OR5D14: variants seen among roughly 807,000 people sequenced by gnomAD.
OR5D14 encodes the protein olfactory receptor 5D14.
For synonymous variants in OR5D14, 187 were observed against 138.2 expected, an observed-to-expected ratio of 1.35 and a Z score of -2.48; for missense variants, 466 against 375.5, an observed-to-expected ratio of 1.24 and a Z score of -1.99.
rs751935304 is a variant in OR5D14, at chr11:55,796,257, TG to T, written c.705del (p.Arg236AlafsTer12). 1.2e-6 allele frequency: 2 copies of T among 1,613,688 alleles called. No individual in the cohort carries two copies. The highest frequency in any genetic ancestry group is 2.2e-5 in the South Asian group (2 of 91,084). ...VTVLKIRSVS[G>X]RHKAFSTWAS... ...CTGTACTAAAAATCCGTTCTGTTAG[TG>T]GGCGCCACAAAGCCTTCTCCACCTG... On this transcript the variant is annotated frameshift_variant, in exon 1 of 1. Transcript: ENST00000335605. LOFTEE classifies it low-confidence loss of function (END_TRUNC).
rs770763153 is a variant in OR5D14 at position 55,796,122 on chromosome 11, G to A, written c.567G>A (p.Val189=). The A allele has an allele frequency of 1.2e-6, 2 of 1,613,760 alleles. No individual in the cohort carries two copies. The highest frequency in any genetic ancestry group is 1.7e-6 in the Non-Finnish European group (2 of 1,179,962). ...GTGAGTATACTGCTCTCATCTCTGT[G>A]TCTGGCTCTGATATACTCATCCCCC... is the stretch of plus-strand genomic sequence containing the variant. The part of the protein sequence containing the change: ...FFCEYTALIS[V]SGSDILIPHL... The change falls in exon 1 of 1, where the codon GTG becomes GTA. Residue 189 remains valine, a synonymous_variant. Transcript: ENST00000335605.
Position 55,795,757 on chromosome 11 carries a change from C to G in OR5D14, c.202C>G (p.Leu68Val). 1 of 1,613,130 alleles carries G rather than the reference C, an allele frequency of 6.2e-7. No homozygotes were observed. The highest frequency in any genetic ancestry group is 1.1e-5 in the South Asian group (1 of 91,022). ...HTPMYFFLSH[L>V]SFVDFCYSSI... ...TCCTATGTACTTTTTCCTTAGTCAC[C>G]TCTCTTTTGTTGATTTTTGTTACTC... The change falls in exon 1 of 1, where the codon CTC becomes GTC. Residue 68 changes from leucine (L) to valine (V), a missense_variant. By Grantham distance (32) the Leu-to-Val change is conservative. Transcript: ENST00000335605.
chr11:55,796,149 C>T lies in OR5D14; in HGVS notation c.594C>T (p.His198=), dbSNP rs766784156. ...SVSGSDILIP[H]LLLFSFATFN... is the part of the protein sequence containing the mutation. ...CTGGCTCTGATATACTCATCCCCCA[C>T]CTGCTGCTTTTCAGCTTCGCCACCT... is the stretch of plus-strand genomic sequence containing the variant. The change falls in exon 1 of 1, where the codon CAC becomes CAT. Residue 198 remains histidine (H), a synonymous_variant. Transcript: ENST00000335605. 9.3e-6 allele frequency: 15 copies of T among 1,613,662 alleles called. No individual in the cohort carries two copies. The South Asian group carries it at 1.1e-4, about 12-fold the overall frequency.
chr11:55,796,478 A>C lies in OR5D14; in HGVS notation c.923A>C (p.His308Pro). The C allele has an allele frequency of 6.2e-7, 1 of 1,603,096 alleles. No homozygotes were observed. Among genetic ancestry groups the C allele is most frequent in the Non-Finnish European group, 8.5e-7 (1 of 1,175,238 alleles). ...AAGGATGCTTTCTGGAAGTTAATAC[A>C]TACACAAGTTCCATTTCACTGAACC... ...DVKDAFWKLIHTQVPFH is the reference protein window; with the variant it reads ...DVKDAFWKLIPTQVPFH Residue 308 changes from histidine (H) to proline (P), a missense_variant, in exon 1 of 1, where the codon CAT (histidine) becomes CCT (proline). By Grantham distance (77) the His-to-Pro change is moderately conservative. Transcript: ENST00000335605.
chr11:55,796,450 G>A lies in OR5D14; in HGVS notation c.895G>A (p.Val299Met), dbSNP rs144838984. Residue 299 changes from valine to methionine, a missense_variant, in exon 1 of 1, where the codon GTG (valine) becomes ATG (methionine). Transcript: ENST00000335605. ...PLIYSLRNKD[V>M]KDAFWKLIHT... ...GATCTACAGCCTAAGGAATAAAGAC[G>A]TGAAGGATGCTTTCTGGAAGTTAAT... 253 of 1,612,308 alleles carry A rather than the reference G, an allele frequency of 1.6e-4. 2 individuals carry two copies. The African/African-American group carries it at 2.5e-3, about 16-fold the overall frequency.
At position 55,795,862 on chromosome 11, in the gene OR5D14, T is replaced by C. The variant is rs1853518432; in HGVS notation, c.307T>C (p.Tyr103His). The change falls in exon 1 of 1, where the codon TAC becomes CAC. Residue 103 changes from tyrosine to histidine, a missense_variant. Physicochemically the swap from Tyr to His is moderately conservative, Grantham distance 83. Coordinates refer to ENST00000335605, the MANE Select transcript of OR5D14 (RefSeq NM_001004735.1). ...CTTCTACTTTAGCTGCATGATGCAG[T>C]ACTTCCTGTCCTGCACTGCTGTGGT... Reference protein sequence around the residue: ...SIFYFSCMMQYFLSCTAVVTE... With the variant: ...SIFYFSCMMQHFLSCTAVVTE... The C allele has an allele frequency of 6.2e-7, 1 of 1,613,568 alleles. No individual in the cohort carries two copies. The highest frequency in any genetic ancestry group is 8.5e-7 in the Non-Finnish European group (1 of 1,179,748).
Position 55,795,836 on chromosome 11 carries a change from T to G in OR5D14, c.281T>G (p.Ile94Ser), listed in dbSNP as rs747218527. ...LENLVMADKSIFYFSCMMQYF... is the reference protein window; with the variant it reads ...LENLVMADKSSFYFSCMMQYF... ...AACTTGGTAATGGCAGATAAAAGCA[T>G]CTTCTACTTTAGCTGCATGATGCAG... Residue 94 changes from isoleucine (I) to serine (S), a missense_variant, in exon 1 of 1, where the codon ATC (isoleucine) becomes AGC (serine). Coordinates refer to ENST00000335605, the MANE Select transcript of OR5D14 (RefSeq NM_001004735.1). 3.1e-6 allele frequency: 5 copies of G among 1,613,816 alleles called. No individual in the cohort carries two copies. Among genetic ancestry groups the G allele is most frequent in the Non-Finnish European group, 4.2e-6 (5 of 1,179,972 alleles).
chr11:55,796,482 A>C lies in OR5D14; in HGVS notation c.927A>C (p.Thr309=). The C allele has an allele frequency of 6.3e-7, 1 of 1,599,318 alleles. No homozygotes were observed. The highest frequency in any genetic ancestry group is 1.3e-5 in the African/African-American group (1 of 74,464). ...ATGCTTTCTGGAAGTTAATACATAC[A>C]CAAGTTCCATTTCACTGAACCAGTC... ...VKDAFWKLIH[T]QVPFH is the part of the protein sequence containing the mutation. Residue 309 remains threonine (T), a synonymous_variant, in exon 1 of 1, where the codon ACA becomes ACC. Transcript: ENST00000335605.
chr11:55,795,921 T>G lies in OR5D14; in HGVS notation c.366T>G (p.Tyr122Ter). The stretch of plus-strand genomic sequence containing the variant: ...CTTTCTTGCTGGCAGTGATGGCCTA[T>G]GACCGCTTTGTGGCCATCTGCAATC... ...TESFLLAVMA[Y>*]DRFVAICNPL... Residue 122 changes from tyrosine (Y) to a stop codon, truncating the protein, a stop_gained, in exon 1 of 1, where the codon TAT (tyrosine) becomes TAG (stop). Coordinates refer to ENST00000335605, the MANE Select transcript of OR5D14 (RefSeq NM_001004735.1). LOFTEE classifies it low-confidence loss of function (END_TRUNC). 1 of 1,613,944 alleles carries G rather than the reference T, an allele frequency of 6.2e-7. No homozygotes were observed. The highest frequency in any genetic ancestry group is 8.5e-7 in the Non-Finnish European group (1 of 1,179,992).
In OR5D14 at chr11:55,796,364, G is replaced by T. The variant is rs183124098; in HGVS notation, c.809G>T (p.Arg270Leu). Residue 270 changes from arginine (R) to leucine (L), a missense_variant, in exon 1 of 1, where the codon CGG (arginine) becomes CTG (leucine). Arg to Leu is a moderately radical substitution (Grantham distance 102). Coordinates refer to ENST00000335605, the MANE Select transcript of OR5D14 (RefSeq NM_001004735.1). ...LYCVPNSKNS[R>L]QTVKVASVFY... is the part of the protein sequence containing the mutation. ...TGTGTACCCAACTCCAAAAACTCTC[G>T]GCAAACAGTCAAAGTGGCCTCTGTA... 2 of 1,613,650 alleles carry T rather than the reference G, an allele frequency of 1.2e-6. No homozygotes were observed. The highest frequency in any genetic ancestry group is 3.3e-5 in the Admixed American group (2 of 59,948).
In OR5D14 at chr11:55,796,035, A is replaced by G. The variant is rs148859179; in HGVS notation, c.480A>G (p.Val160=). 1 of 1,613,418 alleles carries G rather than the reference A, an allele frequency of 6.2e-7. No individual in the cohort carries two copies. Among genetic ancestry groups the G allele is most frequent in the East Asian group, 2.2e-5 (1 of 44,848 alleles). The change falls in exon 1 of 1, where the codon GTA becomes GTG. Residue 160 remains valine (V), a synonymous_variant. Coordinates refer to ENST00000335605, the MANE Select transcript of OR5D14 (RefSeq NM_001004735.1). ...TCTGGGGCATGTTTGGCCCCTTGGTACTCCTTTGTTATGCTCTCCGGTTAA... is the reference window on the plus strand; with the variant it reads ...TCTGGGGCATGTTTGGCCCCTTGGTGCTCCTTTGTTATGCTCTCCGGTTAA... ...SYLWGMFGPL[V]LLCYALRLNF... is the part of the protein sequence containing the mutation.
Position 55,795,755 on chromosome 11 carries a change from A to G in OR5D14, c.200A>G (p.His67Arg). Residue 67 changes from histidine (H) to arginine (R), a missense_variant, in exon 1 of 1, where the codon CAC becomes CGC. His to Arg is a conservative substitution (Grantham distance 29). Transcript: ENST00000335605. ...ACTCCTATGTACTTTTTCCTTAGTC[A>G]CCTCTCTTTTGTTGATTTTTGTTAC... ...FHTPMYFFLS[H>R]LSFVDFCYSS... 1 of 1,612,772 alleles carries G rather than the reference A, an allele frequency of 6.2e-7. No homozygotes were observed. The highest frequency in any genetic ancestry group is 8.5e-7 in the Non-Finnish European group (1 of 1,179,410).
In OR5D14 at chr11:55,796,428, C is replaced by G. The variant is rs777294945; in HGVS notation, c.873C>G (p.Ile291Met). 6.2e-7 allele frequency: 1 copy of G among 1,613,480 alleles called. No individual in the cohort carries two copies. The highest frequency in any genetic ancestry group is 1.7e-5 in the Admixed American group (1 of 59,982). ...TCAACCCCATGCTGAACCCTCTGAT[C>G]TACAGCCTAAGGAATAAAGACGTGA... ...TVVNPMLNPL[I>M]YSLRNKDVKD... Residue 291 changes from isoleucine (I) to methionine (M), a missense_variant, in exon 1 of 1, where the codon ATC becomes ATG. By Grantham distance (10) the Ile-to-Met change is conservative. Transcript: ENST00000335605.
At position 55,795,613 on chromosome 11, in the gene OR5D14, A is replaced by G; in HGVS notation, c.58A>G (p.Thr20Ala). The change falls in exon 1 of 1, where the codon ACA (threonine) becomes GCA (alanine). Residue 20 changes from threonine to alanine, a missense_variant. Coordinates refer to ENST00000335605, the MANE Select transcript of OR5D14 (RefSeq NM_001004735.1). ...GCCCACCTTTGCCCTTTTAGGTTTCACAGATTACCCAAAGCTTCAGATTCC... is the reference window on the plus strand; with the variant it reads ...GCCCACCTTTGCCCTTTTAGGTTTCGCAGATTACCCAAAGCTTCAGATTCC... ...MEPTFALLGF[T>A]DYPKLQIPLF... The G allele has an allele frequency of 6.2e-7, 1 of 1,612,094 alleles. No individual in the cohort carries two copies. Among genetic ancestry groups the G allele is most frequent in the Non-Finnish European group, 8.5e-7 (1 of 1,179,430 alleles).
Position 55,796,288 on chromosome 11 carries a change from T to C in OR5D14, c.733T>C (p.Ser245Pro). Residue 245 changes from serine (S) to proline (P), a missense_variant, in exon 1 of 1, where the codon TCC (serine) becomes CCC (proline). Physicochemically the swap from Ser to Pro is moderately conservative, Grantham distance 74. Transcript: ENST00000335605. The part of the protein sequence containing the change: ...GRHKAFSTWA[S>P]HLTSITIFHG... ...CCACAAAGCCTTCTCCACCTGGGCC[T>C]CCCACCTGACTTCTATCACCATCTT... 6.2e-7 allele frequency: 1 copy of C among 1,613,678 alleles called. No homozygotes were observed. The highest frequency in any genetic ancestry group is 8.5e-7 in the Non-Finnish European group (1 of 1,179,740).
chr11:55,795,745 T>G lies in OR5D14; in HGVS notation c.190T>G (p.Phe64Val), dbSNP rs150093374. ...CAAATTTCACACTCCTATGTACTTT[T>G]TCCTTAGTCACCTCTCTTTTGTTGA... Reference protein sequence around the residue: ...NPKFHTPMYFFLSHLSFVDFC... With the variant: ...NPKFHTPMYFVLSHLSFVDFC... The change falls in exon 1 of 1, where the codon TTC (phenylalanine) becomes GTC (valine). Residue 64 changes from phenylalanine (F) to valine (V), a missense_variant. Coordinates refer to ENST00000335605, the MANE Select transcript of OR5D14 (RefSeq NM_001004735.1). 1.3e-4 allele frequency: 209 copies of G among 1,613,508 alleles called. No individual in the cohort carries two copies. The highest frequency in any genetic ancestry group is 1.6e-4 in the Non-Finnish European group (187 of 1,179,688).
chr11:55,795,695 T>A lies in OR5D14; in HGVS notation c.140T>A (p.Met47Lys), dbSNP rs370183049. 3 of 1,613,046 alleles carry A rather than the reference T, an allele frequency of 1.9e-6. No homozygotes were observed. The highest frequency in any genetic ancestry group is 2.5e-6 in the Non-Finnish European group (3 of 1,179,256). The change falls in exon 1 of 1, where the codon ATG becomes AAG. Residue 47 changes from methionine to lysine, a missense_variant. Met to Lys is a moderately conservative substitution (Grantham distance 95). Coordinates refer to ENST00000335605, the MANE Select transcript of OR5D14 (RefSeq NM_001004735.1). Reference sequence around the variant, plus strand: ...ATCACAGTGGTAGGAAACCTTGGGATGATCATAATAATCAAGATTAACCCC... The same window carrying A: ...ATCACAGTGGTAGGAAACCTTGGGAAGATCATAATAATCAAGATTAACCCC... ...YVITVVGNLG[M>K]IIIIKINPKF...
Position 55,795,785 on chromosome 11 carries a change from C to A in OR5D14, c.230C>A (p.Ser77Tyr). Residue 77 changes from serine to tyrosine, a missense_variant, in exon 1 of 1, where the codon TCC (serine) becomes TAC (tyrosine). By Grantham distance (144) the Ser-to-Tyr change is moderately radical. Coordinates refer to ENST00000335605, the MANE Select transcript of OR5D14 (RefSeq NM_001004735.1). Reference protein sequence around the residue: ...HLSFVDFCYSSIVTPKLLENL... With the variant: ...HLSFVDFCYSYIVTPKLLENL... ...TCTTTTGTTGATTTTTGTTACTCTT[C>A]CATTGTCACTCCCAAGCTGCTTGAG... 6.2e-7 allele frequency: 1 copy of A among 1,613,350 alleles called. No individual in the cohort carries two copies. Among genetic ancestry groups the A allele is most frequent in the Non-Finnish European group, 8.5e-7 (1 of 1,179,526 alleles).
At position 55,796,352 on chromosome 11, in the gene OR5D14, C is replaced by G; in HGVS notation, c.797C>G (p.Ser266Cys). 8 of 1,613,940 alleles carry G rather than the reference C, an allele frequency of 5.0e-6. No individual in the cohort carries two copies. Among genetic ancestry groups the G allele is most frequent in the Non-Finnish European group, 6.8e-6 (8 of 1,179,948 alleles). Residue 266 changes from serine to cysteine, a missense_variant, in exon 1 of 1, where the codon TCC (serine) becomes TGC (cysteine). Physicochemically the swap from Ser to Cys is moderately radical, Grantham distance 112. Coordinates refer to ENST00000335605, the MANE Select transcript of OR5D14 (RefSeq NM_001004735.1). ...TILFLYCVPNSKNSRQTVKVA... is the reference protein window; with the variant it reads ...TILFLYCVPNCKNSRQTVKVA... ...CTTTTCCTTTACTGTGTACCCAACT[C>G]CAAAAACTCTCGGCAAACAGTCAAA...
Sources: gnomAD v4.1 joint callset for allele counts on GRCh38, gnomAD v4.1.1 for gene constraint, MANE v1.5 for transcripts, NCBI Gene and HGNC (gene_info 2026-07-23, HGNC 2026-07-21) for gene names.